The following PSMD14 variants were observed in gnomAD, a reference collection of about 807,000 sequenced individuals.
PSMD14 encodes ubiquitin C-terminal hydrolase PSMD14.
Under a neutral mutation model 41.2 loss-of-function variants are expected in PSMD14, and 7 were observed. That is an observed-to-expected ratio of 0.17 (90% CI 0.10 to 0.32). The LOEUF is 0.32. Among genes scored for constraint, PSMD14 ranks in the 10% least tolerant of loss-of-function variants. PSMD14 has a pLI of 1.00. For synonymous variants in PSMD14, 114 were observed against 122.3 expected, an observed-to-expected ratio of 0.93 and a Z score of 0.45; for missense variants, 139 against 375.6, an observed-to-expected ratio of 0.37 and a Z score of 5.21.
chr2:161,312,188 G>C (rs1689095679), intron 1 of PSMD14, among the ~76,000 whole-genome samples: 1 of 150,924 alleles, frequency 6.6e-6, no homozygotes, highest in Non-Finnish European at 1.5e-5. Context: ...CTGTCACCCA[G>C]GCTGGAGTGC....
intron 3 of PSMD14, among the ~76,000 whole-genome samples, chr2:161,363,996 C>T (rs887132661): frequency 8.5e-5 from 13 of 152,174 alleles, no homozygotes; most frequent in African/African-American, 2.7e-4. Context: ...GGGGTTCTTG[C>T]CTTGGTGTAC....
intron 10 of PSMD14, among the ~76,000 whole-genome samples, chr2:161,399,874 T>G (rs1683851515): frequency 6.6e-6 from 1 of 152,124 alleles, no homozygotes; most frequent in African/African-American, 2.4e-5. Flanking sequence ...AAAATAAAAT[T>G]TCACAAAAAC....
intron 9 of PSMD14, among the ~76,000 whole-genome samples, chr2:161,391,577 G>C (rs1234287642): frequency 6.6e-6 from 1 of 151,912 alleles, no homozygotes; most frequent in East Asian, 1.9e-4. Flanking sequence ...GTTGTGTAGT[G>C]CTTTTTGTTT....
intron 3 of PSMD14, among the ~76,000 whole-genome samples, chr2:161,329,604 A>G (rs1682755619): frequency 6.6e-6 from 1 of 152,098 alleles, no homozygotes; most frequent in Non-Finnish European, 1.5e-5. Context: ...AGAAGTAGAG[A>G]AGGGTCGAAA....
Position 161,385,579 on chromosome 2 carries a change from C to T in PSMD14, c.570+8C>T. 21 of 1,541,692 alleles carry T rather than the reference C, an allele frequency of 1.4e-5. No homozygotes were observed. The highest frequency in any genetic ancestry group is 1.8e-5 in the Non-Finnish European group (20 of 1,116,380). On this transcript the variant is annotated splice_region_variant and intron_variant, in intron 8 of 11. Coordinates refer to ENST00000409682, the MANE Select transcript of PSMD14 (RefSeq NM_005805.6). Reference sequence around the variant, plus strand: ...AACAAGCCATCTATCCAGGTATTGCCTATATTTGATAATGTGTTAAAACTC... The same window carrying T: ...AACAAGCCATCTATCCAGGTATTGCTTATATTTGATAATGTGTTAAAACTC...
rs748919950 is a variant in PSMD14, at chr2:161,367,854, AT to A, written c.193del (p.Tyr65IlefsTer5). ...TTGATGCTTGGAGAATTTGTTGATGATTATACCGTCAGAGTGATTGATGTGT... is the reference window on the plus strand; with the variant it reads ...TTGATGCTTGGAGAATTTGTTGATGATATACCGTCAGAGTGATTGATGTGT... ...MGLMLGEFVD[D>X]YTVRVIDVFA... On this transcript the variant is annotated frameshift_variant, in exon 5 of 12. Coordinates refer to ENST00000409682, the MANE Select transcript of PSMD14 (RefSeq NM_005805.6). LOFTEE classifies it high-confidence loss of function. The A allele has an allele frequency of 6.2e-7, 1 of 1,613,512 alleles. No homozygotes were observed.
At chr2:161,384,499 T>G (rs1409164335) in intron 7 of PSMD14, 1 of 151,158 alleles carries the variant, frequency 6.6e-6, no homozygotes, top group African/African-American at 2.4e-5. Flanking sequence ...TTTTAAAACA[T>G]TGATAAATCT....
chr2:161,389,818 C>T (rs944854450), intron 8 of PSMD14, among the ~76,000 whole-genome samples: 2 of 149,982 alleles, frequency 1.3e-5, no homozygotes, highest in African/African-American at 4.9e-5. Context: ...GTTCAGATCC[C>T]CATCTAGCCT....
chr2:161,406,559 A>G (rs1208990136), intron 10 of PSMD14, among the ~76,000 whole-genome samples: 2 of 152,152 alleles, frequency 1.3e-5, no homozygotes, highest in Non-Finnish European at 2.9e-5. Context: ...AATGAAGACA[A>G]ACTGGTCTTG....
At chr2:161,340,213 T>C (rs1682930345) in intron 3 of PSMD14, among the ~76,000 whole-genome samples, 2 of 152,104 alleles carry the variant, frequency 1.3e-5, no homozygotes, top group Admixed American at 6.6e-5. Flanking sequence ...ATAAGGGGAA[T>C]GGTCAAGTAA....
chr2:161,390,189 A>G (rs977549597), intron 8 of PSMD14, among the ~76,000 whole-genome samples: 2 of 151,868 alleles, frequency 1.3e-5, no homozygotes, highest in African/African-American at 4.8e-5. Context: ...CTTAAGACCT[A>G]CATTGTAAAA....
intron 7 of PSMD14, among the ~76,000 whole-genome samples, chr2:161,374,088 T>C (rs1683474103): frequency 6.6e-6 from 1 of 151,910 alleles, no homozygotes; most frequent in African/African-American, 2.4e-5. Flanking sequence ...ATTTCAGGGC[T>C]CAGGCTTTTT....
chr2:161,364,839 C>T (rs1288223868), intron 3 of PSMD14, among the ~76,000 whole-genome samples: 3 of 152,174 alleles, frequency 2.0e-5, no homozygotes, highest in Non-Finnish European at 4.4e-5. Flanking sequence ...TGCAGTCGCT[C>T]ACGCCTGTAA....
chr2:161,390,771 A>G (rs574933877), intron 8 of PSMD14, among the ~76,000 whole-genome samples: 22 of 152,300 alleles, frequency 1.4e-4, no homozygotes, highest in African/African-American at 4.8e-4. Flanking sequence ...CCCCCTAGAT[A>G]TCATAAAGTT....
chr2:161,378,163 C>T (rs1302562528), intron 7 of PSMD14, among the ~76,000 whole-genome samples: 1 of 151,888 alleles, frequency 6.6e-6, no homozygotes, highest in Non-Finnish European at 1.5e-5. Flanking sequence ...AAATTTTCTT[C>T]AGTCATAATT....
At chr2:161,371,976 TTTTA>T (rs1683441028) in intron 7 of PSMD14, among the ~76,000 whole-genome samples, 1 of 151,904 alleles carries the variant, frequency 6.6e-6, no homozygotes, top group Admixed American at 6.6e-5. Flanking sequence ...TCTTTTTTTT[TTTTA>T]TTTCTTTCTT....
intron 1 of PSMD14, among the ~76,000 whole-genome samples, chr2:161,311,635 T>TC (rs1222334052): frequency 6.9e-6 from 1 of 145,512 alleles, no homozygotes; most frequent in East Asian, 2.0e-4. Context: ...CTTTTTTTTT[T>TC]TTTTTTTTTT....
At chr2:161,311,685 G>A (rs1191603473) in intron 1 of PSMD14, among the ~76,000 whole-genome samples, 1 of 138,080 alleles carries the variant, frequency 7.2e-6, no homozygotes, top group African/African-American at 2.7e-5. Flanking sequence ...AGGCTGGAGT[G>A]CAGTGGCGTG....
chr2:161,369,097 G>C (rs569454970), intron 5 of PSMD14, among the ~76,000 whole-genome samples: 1 of 151,520 alleles, frequency 6.6e-6, no homozygotes, highest in Non-Finnish European at 1.5e-5. Flanking sequence ...TTTATATTAG[G>C]CTACATGAAA....
Sources: gnomAD v4.1 joint callset for allele counts (sites outside exome capture counted in the v4.1 genomes callset) on GRCh38, gnomAD v4.1.1 for gene constraint, MANE v1.5 for transcripts, NCBI Gene and HGNC (gene_info 2026-07-23, HGNC 2026-07-21) for gene names.